The following MMRN1 variants were observed in gnomAD, a reference collection of about 807,000 sequenced individuals.
The protein encoded by MMRN1 is multimerin-1.
In MMRN1, 94 loss-of-function variants were observed where a neutral mutation model predicts 100.7. The observed-to-expected ratio is 0.93, with a 90% CI of 0.79 to 1.11. The LOEUF is 1.11. MMRN1 is among the 50% of genes least tolerant of loss of function. The pLI is 0.00. For missense variants in MMRN1, 1,606 were observed against 1,439.1 expected (o/e 1.12, Z -1.88); for synonymous variants, 575 against 505.0 (o/e 1.14, Z -1.86).
chr4:89,935,535 C>T lies in MMRN1; in HGVS notation c.1855C>T (p.Gln619Ter), dbSNP rs1225499102. Reference protein sequence around the residue: ...DTEENLHVLNQTLAEVLFPMD... With the variant: ...DTEENLHVLN Reference sequence around the variant, plus strand: ...AGAAGAGAATTTACATGTGTTAAATCAAACATTGGCTGAAGTTCTCTTTCC... The same window carrying T: ...AGAAGAGAATTTACATGTGTTAAATTAAACATTGGCTGAAGTTCTCTTTCC... Residue 619 changes from glutamine (Q) to a stop codon, truncating the protein, a stop_gained, in exon 6 of 8, where the codon CAA (glutamine) becomes TAA (stop). Transcript: ENST00000264790. LOFTEE classifies it high-confidence loss of function. The T allele has an allele frequency of 6.2e-7, 1 of 1,613,006 alleles. No individual in the cohort carries two copies.
chr4:89,912,547 T>C (rs1281892271), intron 3 of MMRN1, among the ~76,000 whole-genome samples: 1 of 151,150 alleles, frequency 6.6e-6, no homozygotes, highest in East Asian at 1.9e-4. Flanking sequence ...GAGCTATTTT[T>C]TTTTTTTCAG....
intron 6 of MMRN1, among the ~76,000 whole-genome samples, chr4:89,946,588 G>C (rs1459407396): frequency 6.6e-6 from 1 of 152,108 alleles, no homozygotes; most frequent in Non-Finnish European, 1.5e-5. Flanking sequence ...GAGGAAAGTT[G>C]AGTGAATAGA....
intron 7 of MMRN1, 80 bp from the exon 8 acceptor site, chr4:89,952,917 A>C: frequency 7.3e-7 from 1 of 1,369,166 alleles, no homozygotes. Flanking sequence ...TGTAACTGAG[A>C]TAAAAATGAC....
intron 1 of MMRN1, among the ~76,000 whole-genome samples, chr4:89,883,492 A>G (rs372690985): frequency 9.6e-4 from 146 of 152,232 alleles, no homozygotes; most frequent in Middle Eastern, 3.4e-3. Flanking sequence ...TCCGATCACT[A>G]AAGATGCTGA....
chr4:89,917,074 T>TC (rs1213167078), intron 3 of MMRN1, among the ~76,000 whole-genome samples: 1 of 151,542 alleles, frequency 6.6e-6, no homozygotes, highest in Admixed American at 6.6e-5. Flanking sequence ...AGAGTTAAAA[T>TC]CCCCCCACAC....
chr4:89,946,224 G>A (rs773706898), intron 6 of MMRN1, among the ~76,000 whole-genome samples: 3 of 152,158 alleles, frequency 2.0e-5, no homozygotes, highest in Non-Finnish European at 2.9e-5. Flanking sequence ...AAGTGCAAAT[G>A]TTGTGTGGGC....
intron 1 of MMRN1, among the ~76,000 whole-genome samples, chr4:89,880,088 C>T (rs1421331135): frequency 6.6e-6 from 1 of 152,164 alleles, no homozygotes; most frequent in Non-Finnish European, 1.5e-5. Context: ...AAGTCAAACT[C>T]TGGTTTAGCT....
In MMRN1 at chr4:89,930,970, T is replaced by A. The variant is rs575193022; in HGVS notation, c.1129+3002T>A. Among the ~76,000 whole-genome samples, 13 of 152,254 alleles carry A rather than the reference T, an allele frequency of 8.5e-5. No individual in the cohort carries two copies. In the East Asian group the frequency reaches 1.7e-3, roughly 20 times the overall value. ...TATAATTTATCTTAATTGTGGCTAG[T>A]TAGTCTTTTCTAATTCATTTAGCCT... On this transcript the variant is annotated intron_variant, in intron 5 of 7. Coordinates refer to ENST00000264790, the MANE Select transcript of MMRN1 (RefSeq NM_007351.3).
intron 4 of MMRN1, among the ~76,000 whole-genome samples, chr4:89,925,058 A>G (rs1349676298): frequency 1.3e-5 from 2 of 152,174 alleles, no homozygotes; most frequent in African/African-American, 4.8e-5. Context: ...GTACAATTAA[A>G]TTATTATTGA....
Position 89,916,722 on chromosome 4 carries a change from CCTT to C in MMRN1, c.850+4678_850+4680del, listed in dbSNP as rs143054130. Among the ~76,000 whole-genome samples the C allele has an allele frequency of 8.2e-3, 1,244 of 151,074 alleles. 18 individuals carry two copies. The highest frequency in any genetic ancestry group is 0.028 in the African/African-American group (1,153 of 41,234). ...AGCTTTTCAATTTACTCTCTCCTCTCCTTCTTCTCACTGATTTTAAAGTTTTTT... is the reference window on the plus strand; with the variant it reads ...AGCTTTTCAATTTACTCTCTCCTCTCCTTCTCACTGATTTTAAAGTTTTTT... On this transcript the variant is annotated intron_variant, in intron 3 of 7. Transcript: ENST00000264790.
rs745727962 is a variant in MMRN1 at position 89,951,749 on chromosome 4, C to T, written c.3263C>T (p.Pro1088Leu). 6.8e-6 allele frequency: 11 copies of T among 1,609,972 alleles called. No homozygotes were observed. Among genetic ancestry groups the T allele is most frequent in the Non-Finnish European group, 9.3e-6 (11 of 1,178,472 alleles). Residue 1088 changes from proline to leucine, a missense_variant and splice_region_variant, in exon 7 of 8, where the codon CCA becomes CTA. Physicochemically the swap from Pro to Leu is moderately conservative, Grantham distance 98 (BLOSUM62 -3). Transcript: ENST00000264790. Reference protein sequence around the residue: ...IKLVEENALAPDFSKGSYRYA... With the variant: ...IKLVEENALALDFSKGSYRYA... ...CTTGTGGAAGAAAATGCTTTAGCTCCAGGTAAAAAAAAAGTATACGCATCT... is the reference window on the plus strand; with the variant it reads ...CTTGTGGAAGAAAATGCTTTAGCTCTAGGTAAAAAAAAAGTATACGCATCT...
chr4:89,913,527 A>G (rs1721821069), intron 3 of MMRN1, among the ~76,000 whole-genome samples: 1 of 151,346 alleles, frequency 6.6e-6, no homozygotes, highest in African/African-American at 2.4e-5. Context: ...ATACCAGAAC[A>G]TCACTGTAAA....
chr4:89,943,651 C>T (rs1327138925), intron 6 of MMRN1, among the ~76,000 whole-genome samples: 1 of 152,104 alleles, frequency 6.6e-6, no homozygotes, highest in Non-Finnish European at 1.5e-5. Context: ...AGTTAGAAAG[C>T]AAGGCTCTGG....
At chr4:89,917,315 A>G (rs867179170) in intron 3 of MMRN1, among the ~76,000 whole-genome samples, 4 of 152,006 alleles carry the variant, frequency 2.6e-5, no homozygotes, top group Middle Eastern at 3.4e-3. Flanking sequence ...AAGCTTTACC[A>G]AAGTATTTTG....
At chr4:89,949,992 C>T (rs1019707880) in intron 6 of MMRN1, among the ~76,000 whole-genome samples, 2 of 152,188 alleles carry the variant, frequency 1.3e-5, no homozygotes. Flanking sequence ...ACCAGAGTAA[C>T]TGTGGCAAGT....
At chr4:89,887,933 ATGCTC>A (rs965934603) in intron 1 of MMRN1, among the ~76,000 whole-genome samples, 1 of 151,964 alleles carries the variant, frequency 6.6e-6, no homozygotes, top group Non-Finnish European at 1.5e-5. Context: ...TGAAATTATA[ATGCTC>A]TCTCTCTTCT....
rs1244773769 is a variant in MMRN1, at chr4:89,951,614, CA to C, written c.3130del (p.Ser1044AlafsTer14). 84 of 1,508,408 alleles carry C rather than the reference CA, an allele frequency of 5.6e-5. No individual in the cohort carries two copies. Among genetic ancestry groups the C allele is most frequent in the Non-Finnish European group, 7.1e-5 (80 of 1,132,060 alleles). 93.4% of individuals were successfully genotyped at this position (1,508,408 alleles called of 1,614,324 possible). A position where few individuals can be genotyped will look rare whatever the true frequency, so the allele number is the denominator to read the frequency against. On this transcript the variant is annotated frameshift_variant, in exon 7 of 8. Transcript: ENST00000264790. LOFTEE classifies it high-confidence loss of function. ...TDNIIYPEEY[S>X]SCSRHPCQNG... ...TCTTTTTCCGTAACAGAGGAGTATT[CA>C]AGCTGTAGTCGGCATCCGTGCCAAA...
intron 4 of MMRN1, among the ~76,000 whole-genome samples, chr4:89,927,236 C>G (rs568580991): frequency 5.3e-5 from 8 of 152,082 alleles, no homozygotes; most frequent in African/African-American, 1.9e-4. Flanking sequence ...ATAGTATGGA[C>G]ATTTTAACAA....
upstream of MMRN1, among the ~76,000 whole-genome samples, chr4:89,893,204 A>G (rs1325179505): frequency 6.6e-6 from 1 of 151,968 alleles, no homozygotes; most frequent in African/African-American, 2.4e-5. Context: ...CTCCTTTACT[A>G]AGGCAAGGTT....
Sources: gnomAD v4.1 joint callset for allele counts (sites outside exome capture counted in the v4.1 genomes callset) on GRCh38, gnomAD v4.1.1 for gene constraint, MANE v1.5 for transcripts, NCBI Gene and HGNC (gene_info 2026-07-23, HGNC 2026-07-21) for gene names.